The following DHRS3 variants were observed in gnomAD, a reference collection of about 807,000 sequenced individuals.
DHRS3 encodes the protein dehydrogenase/reductase 3, also known as short-chain dehydrogenase/reductase 3.
A neutral mutation model predicts 27.2 loss-of-function variants in DHRS3; 14 were observed. That is an observed-to-expected ratio of 0.52 (90% CI 0.34 to 0.81). DHRS3 has a LOEUF of 0.81. Ranked by LOEUF, DHRS3 falls within the 30% of genes least tolerant of loss-of-function variation. The pLI, the probability that DHRS3 is intolerant of heterozygous loss-of-function variation, is 0.01. For missense variants in DHRS3, 322 were observed against 406.2 expected (o/e 0.79, Z 1.78); for synonymous variants, 165 against 175.9 (o/e 0.94, Z 0.49).
At chr1:12,581,454 C>G (rs1449888125) in intron 1 of DHRS3, among the ~76,000 whole-genome samples, 1 of 152,198 alleles carries the variant, frequency 6.6e-6, no homozygotes, top group Non-Finnish European at 1.5e-5. Flanking sequence ...AGCCTCCCAT[C>G]TAGCTTCAGT....
At chr1:12,589,000 G>A (rs891579901) in intron 1 of DHRS3, among the ~76,000 whole-genome samples, 13 of 152,354 alleles carry the variant, frequency 8.5e-5, no homozygotes, top group African/African-American at 2.6e-4. Context: ...CAGGCTGGGC[G>A]GTGGGGTGGG....
intron 1 of DHRS3, among the ~76,000 whole-genome samples, chr1:12,614,871 TC>T (rs1424252259): frequency 6.6e-6 from 1 of 152,118 alleles, no homozygotes; most frequent in Non-Finnish European, 1.5e-5. Flanking sequence ...CATCTGTGGT[TC>T]CACACAGCCG....
intron 1 of DHRS3, among the ~76,000 whole-genome samples, chr1:12,595,273 T>G (rs1363071899): frequency 6.6e-6 from 1 of 151,934 alleles, no homozygotes; most frequent in Non-Finnish European, 1.5e-5. Flanking sequence ...GCCGGCTCGG[T>G]GCGCGGCCGG....
chr1:12,582,355 AT>A (rs577623530), intron 1 of DHRS3, among the ~76,000 whole-genome samples: 1 of 152,244 alleles, frequency 6.6e-6, no homozygotes. Flanking sequence ...TTACAAAAAA[AT>A]AAGTGTTCTC....
chr1:12,600,525 G>C (rs1646828488), intron 1 of DHRS3: 1 of 371,710 alleles, frequency 2.7e-6, no homozygotes, highest in African/African-American at 2.2e-5. Flanking sequence ...GTGTCTGGCA[G>C]GACTGCCTGC....
chr1:12,594,910 G>A lies in DHRS3; in HGVS notation c.196-14244C>T, dbSNP rs1017684198. ...GACGGTTGCAGAGCTGGGTGCTGGA[G>A]AAAGTGAGCTTCCCAGAGGACACCA... On this transcript the variant is annotated intron_variant, in intron 1 of 5. Coordinates refer to ENST00000616661, the MANE Select transcript of DHRS3 (RefSeq NM_004753.7). The surrounding 1 kb of genome is among the most constrained non-coding windows in gnomAD (Gnocchi z 4.1). Among the ~76,000 whole-genome samples the A allele has an allele frequency of 1.3e-4, 20 of 152,200 alleles. No homozygotes were observed. Among genetic ancestry groups the A allele is most frequent in the African/African-American group, 4.8e-4 (20 of 41,456 alleles).
intron 1 of DHRS3, among the ~76,000 whole-genome samples, chr1:12,585,464 G>T (rs145379650): frequency 1.3e-5 from 2 of 152,128 alleles, no homozygotes; most frequent in Non-Finnish European, 2.9e-5. Context: ...GTGGATGCTG[G>T]GAGTCGCAGG....
chr1:12,613,328 T>C (rs866559147), intron 1 of DHRS3, among the ~76,000 whole-genome samples: 72 of 152,210 alleles, frequency 4.7e-4, no homozygotes, highest in African/African-American at 1.7e-3. Flanking sequence ...TTGTCCTAAT[T>C]GGTCATGGTA....
chr1:12,579,433 C>A lies in DHRS3; in HGVS notation c.340-21G>T. On this transcript the variant is annotated intron_variant, in intron 2 of 5. Coordinates refer to ENST00000616661, the MANE Select transcript of DHRS3 (RefSeq NM_004753.7). ...CCCACCTGCAGGCGAGAGGGAGCCA[C>A]GGGGCCATGAGGGCAGCCAGCCCAG... is the stretch of plus-strand genomic sequence containing the variant. 2.5e-6 allele frequency: 4 copies of A among 1,612,472 alleles called. No individual in the cohort carries two copies. The South Asian group carries it at 3.3e-5, about 13-fold the overall frequency.
At chr1:12,603,358 G>A (rs1646848148) in intron 1 of DHRS3, among the ~76,000 whole-genome samples, 1 of 152,236 alleles carries the variant, frequency 6.6e-6, no homozygotes, top group Non-Finnish European at 1.5e-5. Context: ...TCATTTTCAA[G>A]CCTTATTTTT....
intron 1 of DHRS3, among the ~76,000 whole-genome samples, chr1:12,585,321 ATGTGTCTCTG>A (rs1570371783): frequency 9.7e-6 from 1 of 102,844 alleles, no homozygotes; most frequent in East Asian, 2.9e-4. Flanking sequence ...GTGTGTCTCT[ATGTGTCTCTG>A]TGTGTCTGTG....
At position 12,597,399 on chromosome 1, in the gene DHRS3, C is replaced by T. The variant is rs894723703; in HGVS notation, c.196-16733G>A. ...GCCTGAAATGACCCCAGATCTTTAG[C>T]GAGTACTCATGGAGTGCAACAAGGC... On this transcript the variant is annotated intron_variant, in intron 1 of 5. Coordinates refer to ENST00000616661, the MANE Select transcript of DHRS3 (RefSeq NM_004753.7). 6.6e-5 allele frequency among the ~76,000 whole-genome samples: 10 copies of T among 152,208 alleles called. No individual in the cohort carries two copies. The East Asian group carries it at 1.3e-3, about 20-fold the overall frequency.
Position 12,586,975 on chromosome 1 carries a change from T to C in DHRS3, c.196-6309A>G, listed in dbSNP as rs1646702013. ...GAGAAAATCATAGCACTGCCTCTGATACACCCTCTTCACTGCCTCTGATAC... is the reference window on the plus strand; with the variant it reads ...GAGAAAATCATAGCACTGCCTCTGACACACCCTCTTCACTGCCTCTGATAC... On this transcript the variant is annotated intron_variant, in intron 1 of 5. Coordinates refer to ENST00000616661, the MANE Select transcript of DHRS3 (RefSeq NM_004753.7). The surrounding 1 kb of genome is among the most constrained non-coding windows in gnomAD (Gnocchi z 5.0). Among the ~76,000 whole-genome samples the C allele has an allele frequency of 6.8e-6, 1 of 147,818 alleles. No homozygotes were observed. Among genetic ancestry groups the C allele is most frequent in the Non-Finnish European group, 1.5e-5 (1 of 67,994 alleles).
intron 1 of DHRS3, among the ~76,000 whole-genome samples, chr1:12,610,171 C>G (rs1043263277): frequency 6.6e-6 from 1 of 152,074 alleles, no homozygotes; most frequent in African/African-American, 2.4e-5. Context: ...CTCCGCCTCC[C>G]AGGTTCAAGC....
chr1:12,606,004 G>A (rs1205025746), intron 1 of DHRS3, among the ~76,000 whole-genome samples: 1 of 151,958 alleles, frequency 6.6e-6, no homozygotes, highest in Non-Finnish European at 1.5e-5. Flanking sequence ...CCAGCATGGT[G>A]ACGTGCGCCT....
At chr1:12,568,837 G>A (rs1486826221) in intron 5 of DHRS3, among the ~76,000 whole-genome samples, 6 of 152,192 alleles carry the variant, frequency 3.9e-5, no homozygotes, top group Non-Finnish European at 7.3e-5. Context: ...TGAGGTGGGA[G>A]GATGGCTTGA....
Position 12,594,204 on chromosome 1 carries a change from AG to A in DHRS3, c.196-13539del, listed in dbSNP as rs538887422. On this transcript the variant is annotated intron_variant, in intron 1 of 5. Coordinates refer to ENST00000616661, the MANE Select transcript of DHRS3 (RefSeq NM_004753.7). This position sits in a 1 kb window ranked among gnomAD's most constrained non-coding sequence, Gnocchi z 4.1. ...TTTGGACAGTCTAAGTAACTCATGCAGGCTGCACTACTAGAAGTTTCAAAGC... is the reference window on the plus strand; with the variant it reads ...TTTGGACAGTCTAAGTAACTCATGCAGCTGCACTACTAGAAGTTTCAAAGC... Among the ~76,000 whole-genome samples, 47 of 152,344 alleles carry A rather than the reference AG, an allele frequency of 3.1e-4. 1 individual carries two copies. The highest frequency in any genetic ancestry group is 6.5e-4 in the Non-Finnish European group (44 of 68,028).
chr1:12,615,150 A>C (rs1646936182), intron 1 of DHRS3, among the ~76,000 whole-genome samples: 1 of 26,222 alleles, frequency 3.8e-5, no homozygotes. Flanking sequence ...GCCTCATTAT[A>C]AAGTAGCTCC....
At chr1:12,601,116 G>C (rs965968840) in intron 1 of DHRS3, among the ~76,000 whole-genome samples, 2 of 152,042 alleles carry the variant, frequency 1.3e-5, no homozygotes, top group African/African-American at 4.8e-5. Flanking sequence ...ACTGGAAGAT[G>C]AGTGTTGTCC....
Sources: gnomAD v4.1 joint callset for allele counts (sites outside exome capture counted in the v4.1 genomes callset) on GRCh38, gnomAD v4.1.1 for gene constraint, Gnocchi (gnomAD v3.1) non-coding constraint, MANE v1.5 for transcripts, NCBI Gene and HGNC (gene_info 2026-07-23, HGNC 2026-07-21) for gene names.